Variants in SOX6 observed in about 807,000 individuals in gnomAD.
SOX6 encodes the protein SRY-box transcription factor 6.
In SOX6, 11 loss-of-function variants were observed where a neutral mutation model predicts 97.8. That is an observed-to-expected ratio of 0.11 (90% confidence interval 0.07 to 0.19). The LOEUF (loss-of-function observed/expected upper bound fraction) is 0.19. SOX6 is among the 10% of genes least tolerant of loss of function. The probability of loss-of-function intolerance (pLI) is 1.00; values close to 1 mark genes in which losing one functional copy is unlikely to be tolerated. For synonymous variants in SOX6, 360 were observed against 371.4 expected (o/e 0.97, Z 0.35); for missense variants, 810 against 1,039.5 (o/e 0.78, Z 3.04).
At chr11:16,043,713 C>T (rs1855743969) in intron 12 of SOX6, among the ~76,000 whole-genome samples, 1 of 152,150 alleles carries the variant, frequency 6.6e-6, no homozygotes, top group African/African-American at 2.4e-5. Flanking sequence ...CTACAGTGGA[C>T]ACTGATGTGC....
chr11:16,441,910 A>G (rs1366212732), intron 1 of SOX6, among the ~76,000 whole-genome samples: 2 of 152,176 alleles, frequency 1.3e-5, no homozygotes, highest in East Asian at 1.9e-4. Context: ...CACTTTAAGA[A>G]ATGACTGTCG....
chr11:15,984,686 A>G (rs959926642), intron 15 of SOX6, among the ~76,000 whole-genome samples: 15 of 152,318 alleles, frequency 9.8e-5, no homozygotes, highest in African/African-American at 3.6e-4. Flanking sequence ...CTATTTTGTC[A>G]TGTCTTCATT....
At chr11:16,568,461 G>A (rs1847901196) in intron 4 of SOX6, among the ~76,000 whole-genome samples, 1 of 152,124 alleles carries the variant, frequency 6.6e-6, no homozygotes, top group Non-Finnish European at 1.5e-5. Context: ...TGCTTAGTAG[G>A]TATGGAGTTT....
chr11:16,553,093 T>C (rs1847708290), intron 4 of SOX6, among the ~76,000 whole-genome samples: 1 of 152,198 alleles, frequency 6.6e-6, no homozygotes, highest in Admixed American at 6.5e-5. Flanking sequence ...CAAGAATTTA[T>C]CATCTAAAAC....
At chr11:16,666,589 T>C (rs764687645) in intron 3 of SOX6, among the ~76,000 whole-genome samples, 28 of 152,026 alleles carry the variant, frequency 1.8e-4, no homozygotes, top group Non-Finnish European at 4.0e-4. Flanking sequence ...GCAGATCACT[T>C]GAGATTAGGA....
chr11:16,344,226 T>A (rs1356554342), intron 1 of SOX6, among the ~76,000 whole-genome samples: 1 of 151,950 alleles, frequency 6.6e-6, no homozygotes, highest in East Asian at 1.9e-4. Context: ...TTTGTTTACA[T>A]CTTTTTTTTA....
chr11:16,636,988 A>G (rs1263803904), intron 3 of SOX6, among the ~76,000 whole-genome samples: 1 of 152,172 alleles, frequency 6.6e-6, no homozygotes, highest in Non-Finnish European at 1.5e-5. Context: ...TGAGAACAGA[A>G]TAATAGACTA....
chr11:16,435,715 C>A (rs1458268352), intron 1 of SOX6, among the ~76,000 whole-genome samples: 3 of 151,914 alleles, frequency 2.0e-5, no homozygotes, highest in African/African-American at 4.8e-5. Context: ...AATTAATACA[C>A]CTACCAAAAA....
chr11:16,591,744 T>C (rs1428750866), intron 4 of SOX6, among the ~76,000 whole-genome samples: 2 of 152,160 alleles, frequency 1.3e-5, no homozygotes, highest in Admixed American at 6.5e-5. Context: ...CAACTAATTG[T>C]CATCAGGGAA....
Position 16,089,364 on chromosome 11 carries a change from G to A in SOX6, c.1101+6632C>T, listed in dbSNP as rs577555983. Among the ~76,000 whole-genome samples the A allele has an allele frequency of 2.0e-5, 3 of 152,194 alleles. No homozygotes were observed. The South Asian group carries it at 6.2e-4, about 32-fold the overall frequency. On this transcript the variant is annotated intron_variant, in intron 9 of 15. Coordinates refer to ENST00000683767, the MANE Select transcript of SOX6 (RefSeq NM_001367873.1). The stretch of plus-strand genomic sequence containing the variant: ...ACTGCTGTCACCAATTATAAGAGAA[G>A]AATGAAAGGTAGGAACATATATAAT...
intron 3 of SOX6, among the ~76,000 whole-genome samples, chr11:16,289,794 G>A (rs1854857099): frequency 6.6e-6 from 1 of 151,918 alleles, no homozygotes; most frequent in Non-Finnish European, 1.5e-5. Context: ...GTAAAATGTG[G>A]TTTAACATGG....
chr11:16,480,903 T>C (rs752497411), upstream of SOX6, among the ~76,000 whole-genome samples: 10 of 152,184 alleles, frequency 6.6e-5, no homozygotes, highest in Non-Finnish European at 1.5e-4. Flanking sequence ...ACTAATATTA[T>C]ACATAGTGAG....
intron 3 of SOX6, chr11:16,252,423 G>C (rs999475324): frequency 3.3e-5 from 5 of 152,170 alleles, no homozygotes; most frequent in Admixed American, 1.3e-4. Context: ...GTGTCGGTAG[G>C]AACTTTGGAA....
intron 3 of SOX6, among the ~76,000 whole-genome samples, chr11:16,297,437 TG>T (rs1855128940): frequency 1.3e-5 from 2 of 152,206 alleles, no homozygotes; most frequent in African/African-American, 4.8e-5. Context: ...TGCTATCTTT[TG>T]TAACAGTTCA....
intron 3 of SOX6, among the ~76,000 whole-genome samples, chr11:16,291,309 T>C (rs1854908028): frequency 6.8e-6 from 1 of 146,230 alleles, no homozygotes; most frequent in Non-Finnish European, 1.5e-5. Flanking sequence ...AAACACAAGA[T>C]GCTGTTTTCT....
rs559018432 is a variant in SOX6, at chr11:16,099,420, G to A, written c.899-1732C>T. 1.6e-4 allele frequency among the ~76,000 whole-genome samples: 25 copies of A among 151,616 alleles called. No individual in the cohort carries two copies. The East Asian group carries it at 3.1e-3, about 19-fold the overall frequency. Reference sequence around the variant, plus strand: ...TCAAGTTTTAAAAAAATCACAAAACGATGCTGAATTAATGATGCTTCAAAA... The same window carrying A: ...TCAAGTTTTAAAAAAATCACAAAACAATGCTGAATTAATGATGCTTCAAAA... On this transcript the variant is annotated intron_variant, in intron 7 of 15. Coordinates refer to ENST00000683767, the MANE Select transcript of SOX6 (RefSeq NM_001367873.1).
intron 12 of SOX6, among the ~76,000 whole-genome samples, chr11:16,043,031 C>T (rs1855717749): frequency 6.6e-6 from 1 of 152,158 alleles, no homozygotes; most frequent in East Asian, 1.9e-4. Context: ...ACTTTAACAT[C>T]TACCCCTTCA....
intron 4 of SOX6, among the ~76,000 whole-genome samples, chr11:16,504,134 A>G (rs1443650525): frequency 1.3e-5 from 2 of 152,008 alleles, no homozygotes; most frequent in Admixed American, 1.3e-4. Context: ...CCCCAAATAT[A>G]TAAAGCAAAT....
intron 1 of SOX6, among the ~76,000 whole-genome samples, chr11:16,411,959 A>G (rs1388747092): frequency 6.6e-6 from 1 of 152,240 alleles, no homozygotes; most frequent in African/African-American, 2.4e-5. Flanking sequence ...ATAAGCAGAT[A>G]AAGTACTCTG....
Sources: gnomAD v4.1 joint callset for allele counts (sites outside exome capture counted in the v4.1 genomes callset) on GRCh38, gnomAD v4.1.1 for gene constraint, MANE v1.5 for transcripts, NCBI Gene and HGNC (gene_info 2026-07-23, HGNC 2026-07-21) for gene names.